NTM: variants seen among roughly 807,000 people sequenced by gnomAD.
NTM encodes IgLON family member 2.
Under a neutral mutation model 42.1 loss-of-function variants are expected in NTM, and 13 were observed. The observed-to-expected ratio is 0.31, with a 90% CI of 0.20 to 0.49. The LOEUF is 0.49. Among genes scored for constraint, NTM ranks in the 20% least tolerant of loss-of-function variants. The probability of loss-of-function intolerance (pLI) is 0.99; values close to 1 mark genes in which losing one functional copy is unlikely to be tolerated. For synonymous variants in NTM, 187 were observed against 179.2 expected (o/e 1.04, Z -0.35); for missense variants, 373 against 452.8 (o/e 0.82, Z 1.60).
At chr11:131,937,537 T>C (rs142383090) in intron 2 of NTM, among the ~76,000 whole-genome samples, 1 of 152,260 alleles carries the variant, frequency 6.6e-6, no homozygotes, top group African/African-American at 2.4e-5. Flanking sequence ...ATGGACAATT[T>C]CTTGGTCAGA....
intron 1 of NTM, among the ~76,000 whole-genome samples, chr11:131,736,629 C>G (rs190624109): frequency 6.6e-6 from 1 of 152,254 alleles, no homozygotes; most frequent in East Asian, 1.9e-4. Flanking sequence ...AATGTTAGCT[C>G]CATATCTGCC....
In NTM at chr11:131,794,611, G is replaced by T. The variant is rs111557243; in HGVS notation, c.83-116953G>T. The T allele has an allele frequency of 5.4e-3, 5,179 of 960,764 alleles. 221 individuals are homozygous for T. In the African/African-American group the frequency reaches 0.09, roughly 17 times the overall value. 59.5% of individuals were successfully genotyped at this position (960,764 alleles called of 1,614,324 possible). On this transcript the variant is annotated intron_variant, in intron 1 of 8. Coordinates refer to ENST00000683400, the MANE Select transcript of NTM (RefSeq NM_001352005.2). ...GGCAATAGACCGACACAAAATAAGT[G>T]CTGGATGAGTGTTGAATGAATGAAT...
intron 4 of NTM, among the ~76,000 whole-genome samples, chr11:132,298,601 G>T (rs1226896315): frequency 6.6e-6 from 1 of 152,054 alleles, no homozygotes; most frequent in African/African-American, 2.4e-5. Context: ...CCTCAGAAAT[G>T]CACAGGGCCT....
chr11:131,386,280 G>A (rs548147644), intron 1 of NTM, among the ~76,000 whole-genome samples: 9 of 152,300 alleles, frequency 5.9e-5, no homozygotes, highest in South Asian at 2.1e-4. Context: ...AATTCATGGA[G>A]AGGCTATCAG....
chr11:131,665,882 A>G (rs1382150417), intron 1 of NTM, among the ~76,000 whole-genome samples: 1 of 152,206 alleles, frequency 6.6e-6, no homozygotes, highest in African/African-American at 2.4e-5. Context: ...TATCTGTACA[A>G]TGGGTATGAT....
chr11:131,575,661 T>C (rs1488473181), intron 1 of NTM, among the ~76,000 whole-genome samples: 1 of 152,218 alleles, frequency 6.6e-6, no homozygotes, highest in Non-Finnish European at 1.5e-5. Context: ...CCTTCTACTG[T>C]TTAGCTGAAT....
At chr11:132,036,738 A>G (rs909205015) in intron 2 of NTM, among the ~76,000 whole-genome samples, 1 of 152,182 alleles carries the variant, frequency 6.6e-6, no homozygotes, top group Non-Finnish European at 1.5e-5. Context: ...TATTTGCTTG[A>G]ATGACCTGGG....
chr11:131,637,466 A>T (rs2064548068), intron 1 of NTM, among the ~76,000 whole-genome samples: 1 of 151,700 alleles, frequency 6.6e-6, no homozygotes, highest in Admixed American at 6.6e-5. Context: ...GGTCTTTTCC[A>T]GATGGCCCAC....
chr11:132,317,726 T>G (rs1241310393), intron 7 of NTM: 2 of 1,269,870 alleles, frequency 1.6e-6, no homozygotes, highest in Admixed American at 4.6e-5. Flanking sequence ...TTGTCTCCCC[T>G]TCCCTCTATC....
chr11:132,045,532 G>C (rs890280553), intron 2 of NTM, among the ~76,000 whole-genome samples: 12 of 152,080 alleles, frequency 7.9e-5, no homozygotes, highest in African/African-American at 1.4e-4. Flanking sequence ...TTCCATGCAA[G>C]TATTTATTTT....
At chr11:131,780,878 A>G (rs1172631619) in intron 1 of NTM, among the ~76,000 whole-genome samples, 3 of 152,174 alleles carry the variant, frequency 2.0e-5, no homozygotes, top group Non-Finnish European at 4.4e-5. Flanking sequence ...ATGGTTAAAT[A>G]CAAAGAAAGA....
At chr11:131,831,971 A>G (rs1042141539) in intron 1 of NTM, among the ~76,000 whole-genome samples, 2 of 148,032 alleles carry the variant, frequency 1.4e-5, no homozygotes, top group Non-Finnish European at 3.0e-5. Context: ...AATATAATAT[A>G]TATATGAAAA....
intron 1 of NTM, among the ~76,000 whole-genome samples, chr11:131,411,219 G>T (rs948118234): frequency 1.3e-5 from 2 of 152,170 alleles, no homozygotes; most frequent in African/African-American, 2.4e-5. Context: ...GGAAGTCCAT[G>T]TGCATCACTT....
intron 1 of NTM, among the ~76,000 whole-genome samples, chr11:131,891,373 A>G (rs1225837381): frequency 6.6e-6 from 1 of 152,216 alleles, no homozygotes; most frequent in Non-Finnish European, 1.5e-5. Context: ...GAGATGAGGT[A>G]TAAGACAGGG....
At position 131,789,548 on chromosome 11, in the gene NTM, AAGAAGAAGAAGAAGAAG is replaced by A. The variant is rs2090278308; in HGVS notation, c.83-122014_83-121998del. On this transcript the variant is annotated intron_variant, in intron 1 of 8. Transcript: ENST00000683400. ...AGAAGAAGAAGAAGAAGAAGAAGAA[AAGAAGAAGAAGAAGAAG>A]AAGAAGAAGAAGAAGAAGAAGAAGA... Among the ~76,000 whole-genome samples the A allele has an allele frequency of 7.0e-4, 2 of 2,876 alleles. 1 individual carries two copies. The highest frequency in any genetic ancestry group is 4.1e-3 in the African/African-American group (2 of 492). 1.9% of individuals were successfully genotyped at this position (2,876 alleles called of 152,430 possible).
intron 1 of NTM, among the ~76,000 whole-genome samples, chr11:131,495,543 C>T (rs318965): frequency 0.21 from 32,506 of 152,154 alleles, 4,079 homozygotes; most frequent in African/African-American, 0.34. Context: ...GCCGCCTATG[C>T]GGTGCTGGGC....
chr11:131,972,749 G>T (rs926675855), intron 2 of NTM, among the ~76,000 whole-genome samples: 5 of 152,172 alleles, frequency 3.3e-5, no homozygotes, highest in African/African-American at 1.2e-4. Flanking sequence ...AACAGAGGCA[G>T]TGTCAGGGTA....
intron 1 of NTM, among the ~76,000 whole-genome samples, chr11:131,440,149 C>T (rs1471055366): frequency 6.6e-6 from 1 of 151,876 alleles, no homozygotes; most frequent in African/African-American, 2.4e-5. Flanking sequence ...GGAGAGTTCT[C>T]CAACTTTATC....
intron 2 of NTM, among the ~76,000 whole-genome samples, chr11:132,067,657 T>C (rs2056718065): frequency 6.6e-6 from 1 of 152,326 alleles, no homozygotes; most frequent in South Asian, 2.1e-4. Context: ...CCAAATCCAG[T>C]AGGGCAAATT....
Sources: allele counts gnomAD v4.1 joint callset (sites outside exome capture counted in the v4.1 genomes callset), GRCh38; gene constraint gnomAD v4.1.1; transcripts MANE v1.5; gene names NCBI Gene and HGNC (gene_info 2026-07-23, HGNC 2026-07-21).